Variants in NECAB1 observed in about 807,000 individuals in gnomAD.
NECAB1 encodes N-terminal EF-hand calcium-binding protein 1.
Under a neutral mutation model 57.5 loss-of-function variants are expected in NECAB1, and 29 were observed. That is an observed-to-expected ratio of 0.50 (90% CI 0.38 to 0.69). The LOEUF (loss-of-function observed/expected upper bound fraction) is 0.69, where lower values mean the gene tolerates loss of function less well. Ranked by LOEUF, NECAB1 falls within the 30% of genes least tolerant of loss-of-function variation. NECAB1 has a pLI of 0.00. For missense variants in NECAB1, 372 were observed against 413.8 expected (o/e 0.90, Z 0.88); for synonymous variants, 142 against 147.7 (o/e 0.96, Z 0.28).
At chr8:90,921,552 C>T (rs1810111454) in intron 6 of NECAB1, among the ~76,000 whole-genome samples, 1 of 152,040 alleles carries the variant, frequency 6.6e-6, no homozygotes, top group South Asian at 2.1e-4. Context: ...CAGATACCTG[C>T]AATCCCAGCT....
At chr8:90,829,796 A>C (rs890884730) in intron 3 of NECAB1, among the ~76,000 whole-genome samples, 36 of 152,068 alleles carry the variant, frequency 2.4e-4, no homozygotes, top group Admixed American at 1.6e-3. Flanking sequence ...TTTTTAAACC[A>C]AACTGAAATC....
chr8:90,853,159 C>G (rs943621040), intron 3 of NECAB1, among the ~76,000 whole-genome samples: 1 of 152,250 alleles, frequency 6.6e-6, no homozygotes, highest in Non-Finnish European at 1.5e-5. Flanking sequence ...AACCGCTCAC[C>G]TGCATGCTGC....
At chr8:90,863,547 C>T (rs1040029716) in intron 3 of NECAB1, among the ~76,000 whole-genome samples, 1 of 152,000 alleles carries the variant, frequency 6.6e-6, no homozygotes. Flanking sequence ...CATGAGTTTT[C>T]TGAAATTTAA....
chr8:90,951,929 G>A (rs941475078), intron 12 of NECAB1, among the ~76,000 whole-genome samples: 4 of 152,164 alleles, frequency 2.6e-5, no homozygotes, highest in African/African-American at 9.7e-5. Flanking sequence ...GAGAGGAAGG[G>A]TCCTTTGGTA....
At chr8:90,904,553 A>T (rs1809588852) in intron 5 of NECAB1, among the ~76,000 whole-genome samples, 3 of 152,106 alleles carry the variant, frequency 2.0e-5, no homozygotes, top group Admixed American at 2.0e-4. Context: ...GACACAACTG[A>T]AGATACCACA....
At chr8:90,906,270 G>A (rs540988253) in intron 5 of NECAB1, among the ~76,000 whole-genome samples, 2 of 152,266 alleles carry the variant, frequency 1.3e-5, no homozygotes, top group Admixed American at 1.3e-4. Context: ...ACCTCAGACT[G>A]CTGAGTGGAC....
At chr8:90,934,921 T>A (rs185691934) in intron 9 of NECAB1, among the ~76,000 whole-genome samples, 2 of 152,232 alleles carry the variant, frequency 1.3e-5, no homozygotes, top group African/African-American at 2.4e-5. Context: ...TACATTAAGA[T>A]GCAACAAAAA....
chr8:90,917,070 T>C (rs1043718657), intron 5 of NECAB1, among the ~76,000 whole-genome samples: 7 of 152,214 alleles, frequency 4.6e-5, no homozygotes, highest in Non-Finnish European at 7.3e-5. Context: ...TGAAACATGG[T>C]TGCATTTTGT....
intron 3 of NECAB1, among the ~76,000 whole-genome samples, chr8:90,868,288 T>C (rs1476286800): frequency 6.6e-6 from 1 of 152,144 alleles, no homozygotes; most frequent in Non-Finnish European, 1.5e-5. Context: ...TGAAAATTGG[T>C]AATAGAGAAG....
At chr8:90,891,042 A>T (rs142316907) in intron 5 of NECAB1, among the ~76,000 whole-genome samples, 11 of 152,360 alleles carry the variant, frequency 7.2e-5, no homozygotes, top group African/African-American at 2.6e-4. Flanking sequence ...ATGGCCGAAG[A>T]TTGCTGGGAA....
Position 90,910,653 on chromosome 8 carries a change from T to C in NECAB1, c.358-6839T>C, listed in dbSNP as rs182724372. ...TGTAGGTCCCTCCTGACATAGCCCTTGGAGTGACCGATTTTAAGAGTTCAC... is the reference window on the plus strand; with the variant it reads ...TGTAGGTCCCTCCTGACATAGCCCTCGGAGTGACCGATTTTAAGAGTTCAC... On this transcript the variant is annotated intron_variant, in intron 5 of 12. Coordinates refer to ENST00000417640, the MANE Select transcript of NECAB1 (RefSeq NM_022351.5). 4.5e-3 allele frequency among the ~76,000 whole-genome samples: 677 copies of C among 151,950 alleles called. 4 individuals carry two copies. The highest frequency in any genetic ancestry group is 0.015 in the African/African-American group (622 of 41,418).
At chr8:90,880,745 T>G (rs1808821764) in intron 4 of NECAB1, among the ~76,000 whole-genome samples, 1 of 152,194 alleles carries the variant, frequency 6.6e-6, no homozygotes, top group Non-Finnish European at 1.5e-5. Context: ...AATTTTTTAT[T>G]GAAACATCCT....
chr8:90,801,177 A>G (rs67651572), intron 1 of NECAB1, among the ~76,000 whole-genome samples: 50,414 of 152,024 alleles, frequency 0.33, 9,461 homozygotes, highest in East Asian at 0.82. Flanking sequence ...TTTAACATAT[A>G]TGAAACCATT....
intron 8 of NECAB1, among the ~76,000 whole-genome samples, chr8:90,928,829 T>A (rs2130183802): frequency 6.6e-6 from 1 of 152,368 alleles, no homozygotes; most frequent in East Asian, 1.9e-4. Flanking sequence ...TAGAATGTGA[T>A]GAAGAGTTCT....
At chr8:90,932,737 A>G (rs1472430434) in intron 8 of NECAB1, among the ~76,000 whole-genome samples, 1 of 152,198 alleles carries the variant, frequency 6.6e-6, no homozygotes, top group African/African-American at 2.4e-5. Flanking sequence ...GTTATTTCAG[A>G]TAGTCTGGAT....
At chr8:90,827,812 T>C (rs890578116) in intron 3 of NECAB1, among the ~76,000 whole-genome samples, 2 of 152,110 alleles carry the variant, frequency 1.3e-5, no homozygotes, top group East Asian at 3.9e-4. Flanking sequence ...ATTTTAAATG[T>C]CAAAATTAAG....
At chr8:90,803,318 C>T (rs1164574014) in intron 2 of NECAB1, among the ~76,000 whole-genome samples, 1 of 152,164 alleles carries the variant, frequency 6.6e-6, no homozygotes, top group Non-Finnish European at 1.5e-5. Context: ...AATAGCCCAC[C>T]TGTCTCTATG....
At chr8:90,934,041 T>C (rs1457435546) in intron 8 of NECAB1, among the ~76,000 whole-genome samples, 1 of 152,212 alleles carries the variant, frequency 6.6e-6, no homozygotes, top group Admixed American at 6.5e-5. Flanking sequence ...CTCTTCCACT[T>C]TGCTCTCTAA....
intron 2 of NECAB1, chr8:90,812,692 G>A (rs1811982270): frequency 6.6e-6 from 1 of 152,010 alleles, no homozygotes; most frequent in African/African-American, 2.4e-5. Flanking sequence ...TAAACTGAGA[G>A]CAGCTTTAAA....
Sources: allele counts gnomAD v4.1 joint callset (sites outside exome capture counted in the v4.1 genomes callset), GRCh38; gene constraint gnomAD v4.1.1; transcripts MANE v1.5; gene names NCBI Gene and HGNC (gene_info 2026-07-23, HGNC 2026-07-21).